NLRP5: variants seen among roughly 807,000 people sequenced by gnomAD.
NLRP5 encodes NACHT, LRR and PYD domains-containing protein 5.
Under a neutral mutation model 113.1 loss-of-function variants are expected in NLRP5, and 93 were observed. The ratio of observed to expected loss-of-function variants is 0.82; its 90% CI spans 0.70 to 0.98. The LOEUF is 0.98. NLRP5 is among the 50% of genes least tolerant of loss of function. The probability of loss-of-function intolerance (pLI) is 0.00; values close to 1 mark genes in which losing one functional copy is unlikely to be tolerated. For missense variants in NLRP5, 1,808 were observed against 1,514.3 expected, an observed-to-expected ratio of 1.19 and a Z score of -3.22; for synonymous variants, 751 against 600.7, an observed-to-expected ratio of 1.25 and a Z score of -3.66.
Position 56,033,597 on chromosome 19 carries a change from G to A in NLRP5, c.2503G>A (p.Ala835Thr). Residue 835 changes from alanine to threonine, a missense_variant, in exon 9 of 15, where the codon GCC becomes ACC. Physicochemically the swap from Ala to Thr is moderately conservative, Grantham distance 58. Transcript: ENST00000390649. ...GCAGCACCTCTGGAGAATCGTCATG[G>A]CCAACCGTAACCTAAGATCCCTCAA... 3.1e-6 allele frequency: 5 copies of A among 1,613,700 alleles called. No homozygotes were observed. The highest frequency in any genetic ancestry group is 3.4e-6 in the Non-Finnish European group (4 of 1,179,678).
chr19:55,987,080 T>TAC, the NLRP5 span, among the ~76,000 whole-genome samples: 2 of 152,186 alleles, frequency 1.3e-5, no homozygotes, highest in African/African-American at 2.4e-5. Flanking sequence ...TAAAATACTG[T>TAC]ACAGAGGGCT....
chr19:55,990,512 G>A, the NLRP5 span, among the ~76,000 whole-genome samples: 2 of 151,940 alleles, frequency 1.3e-5, no homozygotes, highest in East Asian at 2.0e-4. Context: ...CTAACATGGC[G>A]AAATACCCTG....
chr19:56,000,555 G>C (rs1349687108), intron 1 of NLRP5, among the ~76,000 whole-genome samples: 1 of 151,572 alleles, frequency 6.6e-6, no homozygotes, highest in Non-Finnish European at 1.5e-5. Context: ...TAGTAGAGAT[G>C]GGGTTTCACC....
At chr19:56,005,481 A>G (rs1041708397) in intron 2 of NLRP5, among the ~76,000 whole-genome samples, 3 of 138,252 alleles carry the variant, frequency 2.2e-5, no homozygotes, top group Middle Eastern at 3.6e-3. Flanking sequence ...ATTTATACAC[A>G]CACACACGCA....
chr19:56,022,920 T>G lies in NLRP5; in HGVS notation c.679+2489T>G, dbSNP rs545529530. On this transcript the variant is annotated intron_variant, in intron 6 of 14. Coordinates refer to ENST00000390649, the MANE Select transcript of NLRP5 (RefSeq NM_153447.4). ...TGTATTTTTAGTAGAGAGATGGGGT[T>G]TGTCCATATTGGTCAGGCTGGTCTC... Among the ~76,000 whole-genome samples the G allele has an allele frequency of 3.9e-5, 6 of 152,258 alleles. No individual in the cohort carries two copies. In the South Asian group the frequency reaches 1.2e-3, roughly 32 times the overall value.
intron 1 of NLRP5, among the ~76,000 whole-genome samples, chr19:56,001,950 C>A (rs13344775): frequency 6.6e-6 from 1 of 152,104 alleles, no homozygotes; most frequent in Non-Finnish European, 1.5e-5. Flanking sequence ...CTGGCTGTCA[C>A]TATTTATAGG....
intron 4 of NLRP5, 52 bp from the exon 5 acceptor site, chr19:56,019,290 T>A (rs1982525179): frequency 1.9e-6 from 3 of 1,603,566 alleles, no homozygotes; most frequent in Non-Finnish European, 2.6e-6. Context: ...GTCTGACATC[T>A]CTGACTCAAA....
intron 14 of NLRP5, among the ~76,000 whole-genome samples, chr19:56,059,680 A>G (rs552381733): frequency 1.3e-5 from 2 of 152,192 alleles, no homozygotes; most frequent in East Asian, 1.9e-4. Context: ...GATTATAGGT[A>G]CGTGCCACCA....
upstream of NLRP5, among the ~76,000 whole-genome samples, chr19:55,996,501 A>T (rs1375352245): frequency 6.6e-6 from 1 of 151,512 alleles, no homozygotes; most frequent in Non-Finnish European, 1.5e-5. Flanking sequence ...CCTCCCCCAC[A>T]ACAGTCCCCG....
rs1029476883 is a variant in NLRP5, at chr19:56,053,871, G to C, written c.3299+63G>C. The C allele has an allele frequency of 5.3e-6, 8 of 1,508,614 alleles. No homozygotes were observed. In the African/African-American group the frequency reaches 5.5e-5, roughly 10 times the overall value. The allele number at this position is 1,508,614 out of a possible 1,614,324, so 93.5% of individuals were successfully genotyped here. ...GAGGAGGTGGGGGACCCCAGCATGA[G>C]GTTGCTTGAACAGGGATGATGATGA... is the stretch of plus-strand genomic sequence containing the variant. On this transcript the variant is annotated intron_variant, in intron 13 of 14. Transcript: ENST00000390649.
chr19:56,028,481 G>C lies in NLRP5; in HGVS notation c.2248G>C (p.Ala750Pro). 1 of 1,613,600 alleles carries C rather than the reference G, an allele frequency of 6.2e-7. No homozygotes were observed. Among genetic ancestry groups the C allele is most frequent in the East Asian group, 2.2e-5 (1 of 44,886 alleles). ...AGGGATCTTCCCAAGAGATGAGTCC[G>C]CTGAGGCATGTCCTGTGGTCCCTCT... Residue 750 changes from alanine to proline, a missense_variant, in exon 7 of 15, where the codon GCT (alanine) becomes CCT (proline). Physicochemically the swap from Ala to Pro is conservative, Grantham distance 27. Transcript: ENST00000390649.
Position 56,028,269 on chromosome 19 carries a change from C to G in NLRP5, c.2036C>G (p.Thr679Ser), listed in dbSNP as rs750952728. 6.2e-6 allele frequency: 10 copies of G among 1,613,950 alleles called. No individual in the cohort carries two copies. The highest frequency in any genetic ancestry group is 1.6e-4 in the Middle Eastern group (1 of 6,062). ...CTGTTGGGTCAGCAGCCTAATGCCA[C>G]CACCCCAGGAGACACCCTGGACGCC... The change falls in exon 7 of 15, where the codon ACC becomes AGC. Residue 679 changes from threonine (T) to serine (S), a missense_variant. Coordinates refer to ENST00000390649, the MANE Select transcript of NLRP5 (RefSeq NM_153447.4).
rs1568483068 is a variant in NLRP5 at position 56,007,898 on chromosome 19, C to CAT, written c.443-890_443-889insAT. ...GTGTGTGTGTGTGTGTGCGCGTGCGCGCGTGCGTGTGTGTGTGTGTGTGTG... is the reference window on the plus strand; with the variant it reads ...GTGTGTGTGTGTGTGTGCGCGTGCGCATGCGTGCGTGTGTGTGTGTGTGTGTG... On this transcript the variant is annotated intron_variant, in intron 2 of 14. Transcript: ENST00000390649. Among the ~76,000 whole-genome samples the CAT allele has an allele frequency of 1.1e-3, 46 of 41,452 alleles. 7 individuals carry two copies. The highest frequency in any genetic ancestry group is 2.9e-3 in the African/African-American group (43 of 14,990). 27.2% of individuals were successfully genotyped at this position (41,452 alleles called of 152,430 possible).
chr19:56,022,689 G>A (rs1982661232), intron 6 of NLRP5, among the ~76,000 whole-genome samples: 2 of 152,156 alleles, frequency 1.3e-5, no homozygotes, highest in East Asian at 1.9e-4. Context: ...AAAAACCTAT[G>A]AGAGAATATT....
intron 4 of NLRP5, among the ~76,000 whole-genome samples, chr19:56,017,355 G>T (rs574281903): frequency 6.7e-6 from 1 of 149,778 alleles, no homozygotes; most frequent in African/African-American, 2.5e-5. Flanking sequence ...CCAAAAGGGG[G>T]TTCTTTCCTA....
chr19:56,043,196 C>T (rs1215011586), intron 11 of NLRP5, among the ~76,000 whole-genome samples: 5 of 152,128 alleles, frequency 3.3e-5, no homozygotes, highest in East Asian at 1.9e-4. Flanking sequence ...CTTTCCATAG[C>T]GGCTGTACTA....
intron 3 of NLRP5, among the ~76,000 whole-genome samples, chr19:56,010,344 G>A (rs757902335): frequency 5.3e-5 from 8 of 152,140 alleles, no homozygotes; most frequent in African/African-American, 1.2e-4. Flanking sequence ...TGTTATCCAC[G>A]TACAAAGATG....
At chr19:56,023,277 T>A (rs1982686855) in intron 6 of NLRP5, among the ~76,000 whole-genome samples, 1 of 152,214 alleles carries the variant, frequency 6.6e-6, no homozygotes, top group African/African-American at 2.4e-5. Context: ...TACATTCCAG[T>A]GGCACTGCCA....
In NLRP5 at chr19:56,027,154, A is replaced by G. The variant is rs34274738; in HGVS notation, c.921A>G (p.Gly307=). The G allele has an allele frequency of 8.3e-3, 13,268 of 1,602,902 alleles. 844 individuals are homozygous for G. In the African/African-American group the frequency reaches 0.14, roughly 17 times the overall value. ...TCGTGCTGTGCTGGGCGCAAGGTGGACTCTACCAGGGAATGTTCTCCTACG... is the reference window on the plus strand; with the variant it reads ...TCGTGCTGTGCTGGGCGCAAGGTGGGCTCTACCAGGGAATGTTCTCCTACG... Residue 307 remains glycine, a synonymous_variant, in exon 7 of 15, where the codon GGA becomes GGG. Transcript: ENST00000390649.
Sources: gnomAD v4.1 joint callset for allele counts (sites outside exome capture counted in the v4.1 genomes callset) on GRCh38, gnomAD v4.1.1 for gene constraint, MANE v1.5 for transcripts, NCBI Gene and HGNC (gene_info 2026-07-23, HGNC 2026-07-21) for gene names.